AIG1: variants seen among roughly 807,000 people sequenced by gnomAD.
AIG1 encodes the protein androgen induced 1.
In AIG1, 23 loss-of-function variants were observed where a neutral mutation model predicts 31.4. The ratio of observed to expected loss-of-function variants is 0.73; its 90% CI spans 0.53 to 1.04. The LOEUF (loss-of-function observed/expected upper bound fraction) is 1.04, where lower values mean the gene tolerates loss of function less well. Among genes scored for constraint, AIG1 ranks in the 50% least tolerant of loss-of-function variants. The probability of loss-of-function intolerance (pLI) is 0.00; values close to 1 mark genes in which losing one functional copy is unlikely to be tolerated. For missense variants in AIG1, 274 were observed against 295.0 expected, an observed-to-expected ratio of 0.93 and a Z score of 0.52; for synonymous variants, 100 against 110.5, an observed-to-expected ratio of 0.90 and a Z score of 0.60.
chr6:143,130,575 T>G (rs1326435579), intron 1 of AIG1, among the ~76,000 whole-genome samples: 2 of 151,860 alleles, frequency 1.3e-5, no homozygotes, highest in African/African-American at 4.8e-5. Flanking sequence ...AAAAATTAGC[T>G]GGGTGTGGTG....
At chr6:143,267,260 C>T (rs2128664224) in intron 3 of AIG1, among the ~76,000 whole-genome samples, 1 of 152,240 alleles carries the variant, frequency 6.6e-6, no homozygotes, top group East Asian at 1.9e-4. Flanking sequence ...GTTAGACTTC[C>T]CTTTACTACA....
At position 143,330,128 on chromosome 6, in the gene AIG1, A is replaced by C. The variant is rs929891071; in HGVS notation, c.516-3154A>C. Among the ~76,000 whole-genome samples, 1 of 152,232 alleles carries C rather than the reference A, an allele frequency of 6.6e-6. No homozygotes were observed. The highest frequency in any genetic ancestry group is 6.5e-5 in the Admixed American group (1 of 15,270). On this transcript the variant is annotated intron_variant, in intron 4 of 5. Coordinates refer to ENST00000357847, the MANE Select transcript of AIG1 (RefSeq NM_016108.4). The surrounding 1 kb of genome is among the most constrained non-coding windows in gnomAD (Gnocchi z 4.4). ...TAGATTATTAATTCAACAAATAGTT[A>C]TTGAGTGCATACTCTGCCAGATACT...
chr6:143,266,239 C>T (rs1215438228), intron 3 of AIG1, among the ~76,000 whole-genome samples: 1 of 147,718 alleles, frequency 6.8e-6, no homozygotes, highest in Non-Finnish European at 1.5e-5. Flanking sequence ...CCCAGCTACT[C>T]GGGAGGCTGA....
At chr6:143,295,151 C>T (rs962729128) in intron 4 of AIG1, among the ~76,000 whole-genome samples, 3 of 152,196 alleles carry the variant, frequency 2.0e-5, no homozygotes, top group African/African-American at 7.2e-5. Context: ...CAACCCATCT[C>T]TCTTGGGCCC....
chr6:143,131,194 A>G (rs1407519041), intron 1 of AIG1, among the ~76,000 whole-genome samples: 1 of 152,118 alleles, frequency 6.6e-6, no homozygotes, highest in Non-Finnish European at 1.5e-5. Flanking sequence ...CTGATATCCT[A>G]TTTTAGTTTT....
rs944517272 is a variant in AIG1 at position 143,340,537 on chromosome 6, G to A, written c.*861G>A. On this transcript the variant is annotated 3_prime_UTR_variant, in exon 6 of 6. Coordinates refer to ENST00000357847, the MANE Select transcript of AIG1 (RefSeq NM_016108.4). ...GTACAGTGGCGTGATCTCAGCTCAC[G>A]GCAAGCTCCGCTTCCCGGGTTCATG... 3.3e-5 allele frequency among the ~76,000 whole-genome samples: 5 copies of A among 151,674 alleles called. No individual in the cohort carries two copies. In the South Asian group the frequency reaches 8.3e-4, roughly 25 times the overall value.
At chr6:143,302,878 C>T (rs1798932190) in intron 4 of AIG1, among the ~76,000 whole-genome samples, 2 of 152,214 alleles carry the variant, frequency 1.3e-5, no homozygotes, top group African/African-American at 4.8e-5. Flanking sequence ...ACATCCTCTC[C>T]AGCACCTGTT....
At chr6:143,086,743 A>G (rs1778820376) in intron 1 of AIG1, among the ~76,000 whole-genome samples, 1 of 152,200 alleles carries the variant, frequency 6.6e-6, no homozygotes, top group African/African-American at 2.4e-5. Context: ...CAGAGGAAGT[A>G]GATTCAAAGG....
At chr6:143,060,524 C>T (rs74381745), upstream of AIG1, 971 of 280,678 alleles carry the variant, frequency 3.5e-3, 22 homozygotes, top group East Asian at 0.045. Context: ...CCCGCTTCCC[C>T]CTGGAGATCA....
At chr6:143,214,654 C>T (rs1583528176) in intron 3 of AIG1, among the ~76,000 whole-genome samples, 1 of 152,282 alleles carries the variant, frequency 6.6e-6, no homozygotes, top group Non-Finnish European at 1.5e-5. Context: ...TATCACTTCT[C>T]AGGGAACTCT....
Position 143,091,475 on chromosome 6 carries a change from G to C in AIG1, c.141+30409G>C, listed in dbSNP as rs1779298870. On this transcript the variant is annotated intron_variant, in intron 1 of 5. Coordinates refer to ENST00000357847, the MANE Select transcript of AIG1 (RefSeq NM_016108.4). ...ACACCAGAGAAATCTTTTAATATAT[G>C]TTTTAAAATAAATGAATAATGACTG... Among the ~76,000 whole-genome samples the C allele has an allele frequency of 3.3e-5, 5 of 152,290 alleles. No homozygotes were observed. The South Asian group carries it at 1.0e-3, about 32-fold the overall frequency.
At chr6:143,064,914 C>A (rs1253072852) in intron 1 of AIG1, among the ~76,000 whole-genome samples, 2 of 151,980 alleles carry the variant, frequency 1.3e-5, no homozygotes, top group Non-Finnish European at 1.5e-5. Context: ...AAGGAGTCAG[C>A]GAAGGGAGAT....
At chr6:143,143,344 A>G (rs1298402795) in intron 2 of AIG1, among the ~76,000 whole-genome samples, 3 of 149,728 alleles carry the variant, frequency 2.0e-5, no homozygotes, top group Non-Finnish European at 4.4e-5. Flanking sequence ...AAAAAAAAAT[A>G]CAAAAAATTA....
chr6:143,228,149 C>T (rs913638816), intron 3 of AIG1, among the ~76,000 whole-genome samples: 1 of 152,172 alleles, frequency 6.6e-6, no homozygotes, highest in Non-Finnish European at 1.5e-5. Context: ...TCCAAAAGAA[C>T]CCCAAAAGCA....
rs1481098719 is a variant in AIG1, at chr6:143,132,468, G to A, written c.142-4367G>A. 2.0e-5 allele frequency among the ~76,000 whole-genome samples: 3 copies of A among 150,384 alleles called. 1 individual carries two copies. The highest frequency in any genetic ancestry group is 7.3e-5 in the African/African-American group (3 of 41,252). On this transcript the variant is annotated intron_variant, in intron 1 of 5. Coordinates refer to ENST00000357847, the MANE Select transcript of AIG1 (RefSeq NM_016108.4). ...GTTAATTCTTTTTGTTCTGTATGGT[G>A]ATATGTTTTTTTTCCCTCCAGTGGC...
Position 143,319,510 on chromosome 6 carries a change from C to T in AIG1, c.516-13772C>T, listed in dbSNP as rs9496584. Among the ~76,000 whole-genome samples, 1,382 of 152,208 alleles carry T rather than the reference C, an allele frequency of 9.1e-3. 16 individuals carry two copies. The highest frequency in any genetic ancestry group is 0.032 in the African/African-American group (1,330 of 41,538). On this transcript the variant is annotated intron_variant, in intron 4 of 5. Coordinates refer to ENST00000357847, the MANE Select transcript of AIG1 (RefSeq NM_016108.4). ...GGGGAGTAAGGAATAAAAAACTACACGTTGGGTACAATGTACACAGCTCTG... is the reference window on the plus strand; with the variant it reads ...GGGGAGTAAGGAATAAAAAACTACATGTTGGGTACAATGTACACAGCTCTG...
intron 3 of AIG1, among the ~76,000 whole-genome samples, chr6:143,237,932 A>G (rs1018831056): frequency 1.3e-5 from 2 of 151,894 alleles, no homozygotes; most frequent in Non-Finnish European, 2.9e-5. Flanking sequence ...GACCCATTTT[A>G]TTTATTTATT....
At chr6:143,199,082 T>G (rs1790487852) in intron 3 of AIG1, among the ~76,000 whole-genome samples, 1 of 152,226 alleles carries the variant, frequency 6.6e-6, no homozygotes, top group South Asian at 2.1e-4. Context: ...TTCCAGTGCA[T>G]ATGCTAAAAG....
chr6:143,189,122 C>T (rs2128594699), intron 3 of AIG1: 1 of 662,456 alleles, frequency 1.5e-6, no homozygotes, highest in African/African-American at 2.0e-5. Flanking sequence ...TGGCTCACCA[C>T]ACCCTTAAAC....
Sources: gnomAD v4.1 joint callset for allele counts (sites outside exome capture counted in the v4.1 genomes callset) on GRCh38, gnomAD v4.1.1 for gene constraint, Gnocchi (gnomAD v3.1) non-coding constraint, MANE v1.5 for transcripts, NCBI Gene and HGNC (gene_info 2026-07-23, HGNC 2026-07-21) for gene names.